Variants in ZNF682 observed in about 807,000 individuals in gnomAD.
ZNF682 encodes the protein zinc finger protein 682.
Under a neutral mutation model 36.5 loss-of-function variants are expected in ZNF682, and 29 were observed. The observed-to-expected ratio is 0.80, with a 90% CI of 0.59 to 1.08. ZNF682 has a LOEUF of 1.08. Among genes scored for constraint, ZNF682 ranks in the 50% least tolerant of loss-of-function variants. ZNF682 has a pLI of 0.00. For missense variants in ZNF682, 561 were observed against 579.7 expected, an observed-to-expected ratio of 0.97 and a Z score of 0.33; for synonymous variants, 180 against 197.0, an observed-to-expected ratio of 0.91 and a Z score of 0.72.
At chr19:20,001,003 T>C (rs2088164936), downstream of ZNF682, among the ~76,000 whole-genome samples, 1 of 152,136 alleles carries the variant, frequency 6.6e-6, no homozygotes, top group South Asian at 2.1e-4. Context: ...GGTCCCAGAC[T>C]GAAATATGGA....
chr19:20,027,804 CT>C (rs2088445440), intron 1 of ZNF682, among the ~76,000 whole-genome samples: 1 of 151,190 alleles, frequency 6.6e-6, no homozygotes, highest in South Asian at 2.1e-4. Flanking sequence ...AAAACAAAGC[CT>C]GGGGAGGCTG....
intron 1 of ZNF682, among the ~76,000 whole-genome samples, chr19:20,035,308 C>T (rs2088518756): frequency 6.6e-6 from 1 of 152,018 alleles, no homozygotes; most frequent in Non-Finnish European, 1.5e-5. Context: ...TTACTGCAAC[C>T]TCTGTCTTCC....
downstream of ZNF682, among the ~76,000 whole-genome samples, chr19:19,995,674 C>G (rs2088125289): frequency 6.6e-6 from 1 of 151,710 alleles, no homozygotes; most frequent in South Asian, 2.1e-4. Flanking sequence ...TACCTCCATA[C>G]CAGACTATGG....
At chr19:20,035,209 G>T (rs1284896537) in intron 1 of ZNF682, among the ~76,000 whole-genome samples, 1 of 152,110 alleles carries the variant, frequency 6.6e-6, no homozygotes, top group East Asian at 1.9e-4. Context: ...AATATCTATT[G>T]TAACAATTTG....
intron 3 of ZNF682, among the ~76,000 whole-genome samples, chr19:20,021,123 A>T (rs924028961): frequency 6.6e-5 from 10 of 152,118 alleles, no homozygotes; most frequent in Middle Eastern, 3.2e-3. Context: ...ATTAGCTTTT[A>T]AAAAAATCTC....
chr19:20,018,240 C>G (rs1242757528), intron 3 of ZNF682, among the ~76,000 whole-genome samples: 1 of 150,398 alleles, frequency 6.6e-6, no homozygotes, highest in African/African-American at 2.4e-5. Context: ...ACTACAGGCG[C>G]CCGCCACTAC....
chr19:19,997,907 T>A (rs1457716969), intron 3 of ZNF682, among the ~76,000 whole-genome samples: 1 of 152,226 alleles, frequency 6.6e-6, no homozygotes. Flanking sequence ...CACTGAGCTT[T>A]GCTGGAGCAG....
chr19:20,006,277 A>C lies in ZNF682; in HGVS notation c.1225T>G (p.Ser409Ala). ...CEECGKAFNW[S>A]SILTEHKRIH... is the part of the protein sequence containing the mutation. ...CTCTTATGTTCAGTAAGGATTGAGG[A>C]CCAGTTAAAAGCTTTGCCACATTCT... Residue 409 changes from serine (S) to alanine (A), a missense_variant, in exon 4 of 4, where the codon TCC (serine) becomes GCC (alanine). Physicochemically the swap from Ser to Ala is moderately conservative, Grantham distance 99. Transcript: ENST00000397165. 6.2e-7 allele frequency: 1 copy of C among 1,613,708 alleles called. No homozygotes were observed. The highest frequency in any genetic ancestry group is 8.5e-7 in the Non-Finnish European group (1 of 1,179,966).
At chr19:20,014,454 T>C (rs1396449638) in intron 3 of ZNF682, among the ~76,000 whole-genome samples, 1 of 151,984 alleles carries the variant, frequency 6.6e-6, no homozygotes, top group Non-Finnish European at 1.5e-5. Context: ...ATACAAATAA[T>C]GGAATAATAC....
chr19:20,023,711 G>A (rs1470846695), intron 2 of ZNF682, among the ~76,000 whole-genome samples: 1 of 145,978 alleles, frequency 6.9e-6, no homozygotes, highest in Non-Finnish European at 1.5e-5. Flanking sequence ...GCTGGGTAGG[G>A]TAGTTCACAC....
chr19:20,039,284 T>C, intron 1 of ZNF682, 59 bp downstream of exon 1: 1 of 1,604,644 alleles, frequency 6.2e-7, no homozygotes, highest in Non-Finnish European at 8.5e-7. Context: ...CACTGCCGGT[T>C]CCGGCCGGTT....
chr19:20,013,134 T>C (rs1027379227), intron 3 of ZNF682, among the ~76,000 whole-genome samples: 1 of 152,152 alleles, frequency 6.6e-6, no homozygotes, highest in East Asian at 1.9e-4. Flanking sequence ...TCTATTAGAA[T>C]GTTAACCAAA....
At chr19:20,023,389 T>C (rs1211782191) in intron 2 of ZNF682, among the ~76,000 whole-genome samples, 1 of 151,388 alleles carries the variant, frequency 6.6e-6, no homozygotes, top group African/African-American at 2.4e-5. Flanking sequence ...CCCAGCTGCT[T>C]GGGAGGCTGA....
At chr19:20,021,729 G>T (rs2088385851) in intron 3 of ZNF682, among the ~76,000 whole-genome samples, 1 of 151,950 alleles carries the variant, frequency 6.6e-6, no homozygotes, top group African/African-American at 2.4e-5. Flanking sequence ...AAGAATCTGG[G>T]AAAATAAAGT....
chr19:20,039,461 G>C lies in ZNF682; in HGVS notation c.-116C>G. 7.1e-7 allele frequency: 1 copy of C among 1,414,232 alleles called. No individual in the cohort carries two copies. The highest frequency in any genetic ancestry group is 9.7e-7 in the Non-Finnish European group (1 of 1,027,956). 87.6% of individuals were successfully genotyped at this position (1,414,232 alleles called of 1,614,324 possible). ...GAACTACTAGAGCAGAGGATACTAA[G>C]CAATGAAGATGGACCCTGAGCTCTG... On this transcript the variant is annotated 5_prime_UTR_variant, in exon 1 of 4. Transcript: ENST00000397165.
At chr19:20,028,502 G>T (rs149962620) in intron 1 of ZNF682, among the ~76,000 whole-genome samples, 1 of 152,056 alleles carries the variant, frequency 6.6e-6, no homozygotes, top group Non-Finnish European at 1.5e-5. Flanking sequence ...GTGAGTCACC[G>T]TGCCCAGTCA....
chr19:20,011,146 A>G (rs1430501323), intron 3 of ZNF682, among the ~76,000 whole-genome samples: 1 of 152,168 alleles, frequency 6.6e-6, no homozygotes, highest in Non-Finnish European at 1.5e-5. Flanking sequence ...AAAACAAACA[A>G]AAAAATGCAG....
downstream of ZNF682, among the ~76,000 whole-genome samples, chr19:20,001,584 T>C (rs2088168827): frequency 6.6e-6 from 1 of 152,240 alleles, no homozygotes; most frequent in East Asian, 1.9e-4. Context: ...ACTAATAGGC[T>C]GTAATCGTTT....
Position 20,007,179 on chromosome 19 carries a change from A to C in ZNF682, c.323T>G (p.Leu108Arg). 6.2e-7 allele frequency: 1 copy of C among 1,613,808 alleles called. No homozygotes were observed. The highest frequency in any genetic ancestry group is 8.5e-7 in the Non-Finnish European group (1 of 1,180,014). ...VILRRYGSCG[L>R]EDLHLRKDGE... ...ATCCTTCCTTAAGTGTAAATCCTCA[A>C]GTCCACAGCTTCCATATCTTCTCAG... Residue 108 changes from leucine to arginine, a missense_variant, in exon 4 of 4, where the codon CTT (leucine) becomes CGT (arginine). Physicochemically the swap from Leu to Arg is moderately radical, Grantham distance 102. Transcript: ENST00000397165.
Sources: gnomAD v4.1 joint callset for allele counts (sites outside exome capture counted in the v4.1 genomes callset) on GRCh38, gnomAD v4.1.1 for gene constraint, MANE v1.5 for transcripts, NCBI Gene and HGNC (gene_info 2026-07-23, HGNC 2026-07-21) for gene names.